Variants in RAB3IP observed in about 807,000 individuals in gnomAD.
The protein encoded by RAB3IP is RAB3A interacting protein.
Under a neutral mutation model 59.1 loss-of-function variants are expected in RAB3IP, and 36 were observed. That is an observed-to-expected ratio of 0.61 (90% CI 0.47 to 0.80). RAB3IP has a LOEUF of 0.80. RAB3IP is among the 30% of genes least tolerant of loss of function. The pLI is 0.00. For missense variants in RAB3IP, 511 were observed against 536.0 expected, an observed-to-expected ratio of 0.95 and a Z score of 0.46; for synonymous variants, 207 against 191.2, an observed-to-expected ratio of 1.08 and a Z score of -0.68.
At chr12:69,765,130 C>CT (rs1202080289) in intron 3 of RAB3IP, among the ~76,000 whole-genome samples, 4 of 152,032 alleles carry the variant, frequency 2.6e-5, no homozygotes, top group Non-Finnish European at 5.9e-5. Flanking sequence ...TTGCCTTTTA[C>CT]TTTTTTCTCT....
chr12:69,822,788 A>G lies in RAB3IP; in HGVS notation c.*7342A>G, dbSNP rs1371967583. On this transcript the variant is annotated 3_prime_UTR_variant, in exon 11 of 11. Coordinates refer to ENST00000247833, the MANE Select transcript of RAB3IP (RefSeq NM_022456.5). ...AAAATATCATATGTACCCCATAAAT[A>G]TGTACAACTATTATGTATCCATAAA... The G allele has an allele frequency of 6.6e-6, 1 of 152,132 alleles. No homozygotes were observed. The highest frequency in any genetic ancestry group is 2.4e-5 in the African/African-American group (1 of 41,420). 9.4% of individuals were successfully genotyped at this position (152,132 alleles called of 1,614,324 possible). A position where few individuals can be genotyped will look rare whatever the true frequency, so the allele number is the denominator to read the frequency against.
At chr12:69,801,823 C>A in intron 8 of RAB3IP, 102 bp downstream of exon 8, 2 of 699,596 alleles carry the variant, frequency 2.9e-6, no homozygotes, top group Non-Finnish European at 4.9e-6. Context: ...TTATATTTCC[C>A]TCAGATTTCT....
chr12:69,758,514 G>A (rs566283949), intron 3 of RAB3IP, among the ~76,000 whole-genome samples: 16 of 152,102 alleles, frequency 1.1e-4, no homozygotes, highest in African/African-American at 3.9e-4. Context: ...TCTACCTTCC[G>A]GTGATATATT....
chr12:69,741,653 G>A (rs1259400825), intron 1 of RAB3IP, among the ~76,000 whole-genome samples: 1 of 152,174 alleles, frequency 6.6e-6, no homozygotes, highest in South Asian at 2.1e-4. Context: ...CTATTTTGTA[G>A]TTGAGAAAAT....
intron 3 of RAB3IP, among the ~76,000 whole-genome samples, chr12:69,767,842 T>C (rs1244269935): frequency 6.6e-6 from 1 of 151,594 alleles, no homozygotes; most frequent in Non-Finnish European, 1.5e-5. Context: ...AGACTGCTGA[T>C]TCAGGTGAGT....
At chr12:69,810,845 C>G (rs1324430143) in intron 8 of RAB3IP, among the ~76,000 whole-genome samples, 1 of 152,048 alleles carries the variant, frequency 6.6e-6, no homozygotes, top group Non-Finnish European at 1.5e-5. Flanking sequence ...AAATGGGAAA[C>G]AAGGATTTGA....
At chr12:69,775,968 G>T in intron 3 of RAB3IP, among the ~76,000 whole-genome samples, 1 of 80,938 alleles carries the variant, frequency 1.2e-5, no homozygotes. Flanking sequence ...CTATTGATTG[G>T]AATAGTTTCA....
chr12:69,808,107 T>A (rs984692359), intron 8 of RAB3IP, among the ~76,000 whole-genome samples: 2 of 152,254 alleles, frequency 1.3e-5, no homozygotes, highest in South Asian at 4.1e-4. Flanking sequence ...TTCTCGTTGG[T>A]TTCAAAGAAC....
chr12:69,748,232 C>T (rs1008755885), intron 1 of RAB3IP, among the ~76,000 whole-genome samples: 2 of 151,946 alleles, frequency 1.3e-5, no homozygotes, highest in African/African-American at 4.8e-5. Flanking sequence ...TATGTATATG[C>T]ATTTTATTCA....
chr12:69,738,969 C>T lies in RAB3IP; in HGVS notation c.-88C>T, dbSNP rs1156778549. The T allele has an allele frequency of 1.3e-5, 2 of 152,160 alleles. No homozygotes were observed. Among genetic ancestry groups the T allele is most frequent in the Admixed American group, 1.3e-4 (2 of 15,268 alleles). 9.4% of individuals were successfully genotyped at this position (152,160 alleles called of 1,614,324 possible). On this transcript the variant is annotated 5_prime_UTR_variant, in exon 1 of 11. It adds an upstream start codon to the 5' untranslated region. Transcript: ENST00000247833. Reference sequence around the variant, plus strand: ...TCCTCCGTTTCTCGCTGCTTCGGGACGCGCTCTCTGCGGCTCTGTGAGCGC... The same window carrying T: ...TCCTCCGTTTCTCGCTGCTTCGGGATGCGCTCTCTGCGGCTCTGTGAGCGC...
intron 3 of RAB3IP, among the ~76,000 whole-genome samples, chr12:69,767,611 A>C (rs918096471): frequency 6.6e-6 from 1 of 152,202 alleles, no homozygotes; most frequent in Non-Finnish European, 1.5e-5. Context: ...GAGTAGCCTA[A>C]ATTCTTGATC....
At chr12:69,739,924 C>T in intron 1 of RAB3IP, 1 of 1,570,096 alleles carries the variant, frequency 6.4e-7, no homozygotes, top group South Asian at 1.1e-5. Context: ...TACTGAGAGG[C>T]AATTTAGTTT....
At chr12:69,794,656 A>C (rs1877161728) in intron 5 of RAB3IP, 142 bp downstream of exon 5, 2 of 613,462 alleles carry the variant, frequency 3.3e-6, no homozygotes, top group Non-Finnish European at 5.6e-6. Context: ...AGAAGAAAAT[A>C]GCTACTATGT....
At chr12:69,783,956 A>G (rs1875192436) in intron 3 of RAB3IP, among the ~76,000 whole-genome samples, 2 of 152,208 alleles carry the variant, frequency 1.3e-5, no homozygotes, top group Non-Finnish European at 2.9e-5. Context: ...CTATACTGCC[A>G]CCACAATTAT....
chr12:69,753,685 C>T (rs1363170904), intron 1 of RAB3IP, among the ~76,000 whole-genome samples: 1 of 152,090 alleles, frequency 6.6e-6, no homozygotes, highest in Non-Finnish European at 1.5e-5. Context: ...AGATGTTATT[C>T]ACAACTGTCA....
intron 3 of RAB3IP, among the ~76,000 whole-genome samples, chr12:69,783,395 T>G (rs1435273962): frequency 1.3e-5 from 2 of 152,226 alleles, no homozygotes; most frequent in Non-Finnish European, 2.9e-5. Flanking sequence ...CTTTGGAACT[T>G]TGCCACTCCC....
Position 69,755,532 on chromosome 12 carries a change from CG to C in RAB3IP, c.126del (p.Pro43HisfsTer16). The C allele has an allele frequency of 6.2e-7, 1 of 1,614,040 alleles. No individual in the cohort carries two copies. Among genetic ancestry groups the C allele is most frequent in the Non-Finnish European group, 8.5e-7 (1 of 1,180,016 alleles). ...EQTTSPSVIYRPHPSALSSVP... is the reference protein window; with the variant it reads ...EQTTSPSVIYXPHPSALSSVP... ...GACTACCTCACCAAGTGTCATCTAC[CG>C]GCCACACCCTTCAGCTTTATCCTCT... On this transcript the variant is annotated frameshift_variant, in exon 2 of 11. Transcript: ENST00000247833. LOFTEE classifies it high-confidence loss of function.
intron 5 of RAB3IP, 45 bp from the exon 6 acceptor site, chr12:69,795,096 A>G: frequency 7.0e-7 from 1 of 1,428,656 alleles, no homozygotes; most frequent in Non-Finnish European, 9.8e-7. Flanking sequence ...TGCATATGTC[A>G]TGAAACGTAT....
intron 3 of RAB3IP, among the ~76,000 whole-genome samples, chr12:69,768,348 T>G (rs906645499): frequency 6.6e-6 from 1 of 151,800 alleles, no homozygotes; most frequent in African/African-American, 2.4e-5. Flanking sequence ...GGATATGGAG[T>G]GGAGAGAGCT....
Sources: gnomAD v4.1 joint callset for allele counts (sites outside exome capture counted in the v4.1 genomes callset) on GRCh38, gnomAD v4.1.1 for gene constraint, MANE v1.5 for transcripts, NCBI Gene and HGNC (gene_info 2026-07-23, HGNC 2026-07-21) for gene names.